The following ARHGEF17 variants were observed in gnomAD, a reference collection of about 807,000 sequenced individuals.
ARHGEF17 encodes 164 kDa Rho-specific guanine-nucleotide exchange factor.
ARHGEF17 carries 80 observed loss-of-function variants against 174.0 expected under a neutral mutation model. That is an observed-to-expected ratio of 0.46 (90% CI 0.38 to 0.55). The LOEUF is 0.55. Ranked by LOEUF, ARHGEF17 falls within the 20% of genes least tolerant of loss-of-function variation. ARHGEF17 has a pLI of 0.00. For synonymous variants in ARHGEF17, 1,311 were observed against 1,189.1 expected (o/e 1.10, Z -2.11); for missense variants, 2,886 against 2,839.7 (o/e 1.02, Z -0.37).
chr11:73,357,477 G>A lies in ARHGEF17; in HGVS notation c.4087+150G>A. Reference sequence around the variant, plus strand: ...TCATCCAGTGCAAGGGGGCTGGCATGAAGGACCCATTTGGCACCCATGGAG... The same window carrying A: ...TCATCCAGTGCAAGGGGGCTGGCATAAAGGACCCATTTGGCACCCATGGAG... On this transcript the variant is annotated intron_variant, in intron 9 of 20. Coordinates refer to ENST00000263674, the MANE Select transcript of ARHGEF17 (RefSeq NM_014786.4). The A allele has an allele frequency of 5.7e-6, 4 of 702,412 alleles. No homozygotes were observed. In the South Asian group the frequency reaches 7.5e-5, roughly 13 times the overall value. The allele number at this position is 702,412 out of a possible 1,614,324, so 43.5% of individuals were successfully genotyped here.
intron 1 of ARHGEF17, chr11:73,343,088 C>T: frequency 3.1e-6 from 1 of 321,466 alleles, no homozygotes; most frequent in Non-Finnish European, 5.6e-6. Flanking sequence ...CGCTGACCCC[C>T]GCCCCCCGCC....
chr11:73,361,931 C>T (rs1232290859), intron 12 of ARHGEF17, 109 bp from the exon 13 acceptor site: 2 of 1,301,860 alleles, frequency 1.5e-6, no homozygotes, highest in Non-Finnish European at 2.1e-6. Context: ...CACACACACA[C>T]ACCCATGCAG....
In ARHGEF17 at chr11:73,309,317, G is replaced by A. The variant is rs1369861260; in HGVS notation, c.679G>A (p.Ala227Thr). ...TATCTTCTCCCAACCGCAGGCCGGG[G>A]CCCGGGCCTCCTGCTCCTCCTCCTC... ...WHIFSQPQAG[A>T]RASCSSSSIA... Residue 227 changes from alanine (A) to threonine (T), a missense_variant, in exon 1 of 21, where the codon GCC becomes ACC. Physicochemically the swap from Ala to Thr is moderately conservative, Grantham distance 58 (BLOSUM62 0). Transcript: ENST00000263674. 6.9e-6 allele frequency: 11 copies of A among 1,602,724 alleles called. No individual in the cohort carries two copies. The highest frequency in any genetic ancestry group is 1.5e-5 in the African/African-American group (1 of 67,508).
Position 73,310,075 on chromosome 11 carries a change from C to T in ARHGEF17, c.1437C>T (p.Arg479=). 1.2e-6 allele frequency: 2 copies of T among 1,614,188 alleles called. No homozygotes were observed. The highest frequency in any genetic ancestry group is 1.7e-6 in the Non-Finnish European group (2 of 1,180,024). ...SETLTLLSFL[R]SDLSELRVRK... ...CCCTGACGCTTCTCAGTTTCCTGCG[C>T]TCAGACCTTTCAGAGCTGAGGGTCC... Residue 479 remains arginine (R), a synonymous_variant, in exon 1 of 21, where the codon CGC becomes CGT. Coordinates refer to ENST00000263674, the MANE Select transcript of ARHGEF17 (RefSeq NM_014786.4).
chr11:73,311,401 C>G lies in ARHGEF17; in HGVS notation c.2763C>G (p.Gly921=). ...DILSPRLIRR[G]SKKRPARSSH... is the part of the protein sequence containing the mutation. ...TGTCCCCGAGGCTAATCCGCCGAGG[C>G]TCCAAGAAGCGCCCAGCTCGGAGTA... The change falls in exon 1 of 21, where the codon GGC becomes GGG. Residue 921 remains glycine, a synonymous_variant. Transcript: ENST00000263674. 6.2e-7 allele frequency: 1 copy of G among 1,613,348 alleles called. No individual in the cohort carries two copies. The highest frequency in any genetic ancestry group is 8.5e-7 in the Non-Finnish European group (1 of 1,180,052).
At chr11:73,323,852 A>G (rs1316381314) in intron 1 of ARHGEF17, among the ~76,000 whole-genome samples, 1 of 152,154 alleles carries the variant, frequency 6.6e-6, no homozygotes, top group Non-Finnish European at 1.5e-5. Context: ...TGGGCAGTGG[A>G]GGGTCTCTGC....
At chr11:73,345,813 A>T (rs1311114250) in intron 1 of ARHGEF17, among the ~76,000 whole-genome samples, 1 of 152,144 alleles carries the variant, frequency 6.6e-6, no homozygotes, top group Non-Finnish European at 1.5e-5. Flanking sequence ...TGGAGCCTAG[A>T]GGAGTTAGGG....
intron 1 of ARHGEF17, among the ~76,000 whole-genome samples, chr11:73,323,497 G>A (rs549264320): frequency 7.9e-5 from 12 of 152,342 alleles, no homozygotes; most frequent in Middle Eastern, 3.4e-3. Flanking sequence ...CTGTGGCCCC[G>A]CAGCCCTGGA....
intron 1 of ARHGEF17, among the ~76,000 whole-genome samples, chr11:73,339,527 A>T (rs769816559): frequency 2.0e-5 from 3 of 152,140 alleles, no homozygotes; most frequent in Non-Finnish European, 2.9e-5. Context: ...CATTTGGTCC[A>T]GCACCAGCTG....
In ARHGEF17 at chr11:73,311,029, G is replaced by A. The variant is rs1304077149; in HGVS notation, c.2391G>A (p.Gln797=). 1.2e-6 allele frequency: 2 copies of A among 1,614,154 alleles called. No homozygotes were observed. Among genetic ancestry groups the A allele is most frequent in the Non-Finnish European group, 8.5e-7 (1 of 1,180,010 alleles). The stretch of plus-strand genomic sequence containing the variant: ...GCAGTGAAGAGAGCAAGGGATATCA[G>A]GAGGTTATTCAGAGCATAGTTCAGG... ...SVGSEESKGY[Q]EVIQSIVQGP... is the part of the protein sequence containing the mutation. Residue 797 remains glutamine, a synonymous_variant, in exon 1 of 21, where the codon CAG becomes CAA. Coordinates refer to ENST00000263674, the MANE Select transcript of ARHGEF17 (RefSeq NM_014786.4).
At chr11:73,337,115 T>G (rs949610413) in intron 1 of ARHGEF17, among the ~76,000 whole-genome samples, 2 of 152,040 alleles carry the variant, frequency 1.3e-5, no homozygotes, top group Non-Finnish European at 2.9e-5. Flanking sequence ...GTGGGAAGAG[T>G]CAATACCACA....
rs371431002 is a variant in ARHGEF17, at chr11:73,346,969, C to T, written c.3270+9C>T. 8.2e-6 allele frequency: 13 copies of T among 1,588,572 alleles called. No individual in the cohort carries two copies. Among genetic ancestry groups the T allele is most frequent in the South Asian group, 5.7e-5 (5 of 88,240 alleles). The stretch of plus-strand genomic sequence containing the variant: ...TGCGCACCCTGATGCAGGTGGGGCT[C>T]GGGGCCCACTCCCCTGAGAATGGCC... On this transcript the variant is annotated intron_variant, in intron 2 of 20. Coordinates refer to ENST00000263674, the MANE Select transcript of ARHGEF17 (RefSeq NM_014786.4).
chr11:73,320,481 A>G (rs1759491910), intron 1 of ARHGEF17, among the ~76,000 whole-genome samples: 2 of 151,844 alleles, frequency 1.3e-5, no homozygotes, highest in South Asian at 2.1e-4. Context: ...CTAAAAAAAA[A>G]AAAAAATTAG....
chr11:73,310,322 A>T lies in ARHGEF17; in HGVS notation c.1684A>T (p.Ser562Cys). ...CATGGCCCGCCGCCTGCCCCGCACC[A>T]GTGCTCTGAAGTCCAGCTCCTCCGA... Reference protein sequence around the residue: ...KPMARRLPRTSALKSSSSELL... With the variant: ...KPMARRLPRTCALKSSSSELL... The change falls in exon 1 of 21, where the codon AGT becomes TGT. Residue 562 changes from serine (S) to cysteine (C), a missense_variant. Ser to Cys is a moderately radical substitution (Grantham distance 112, BLOSUM62 -1). This residue lies in a region of ARHGEF17 where 1,728 missense variants were observed against 1,461.2 expected (regional missense o/e 1.18). Transcript: ENST00000263674. The T allele has an allele frequency of 1.9e-6, 3 of 1,613,804 alleles. No individual in the cohort carries two copies. The highest frequency in any genetic ancestry group is 2.5e-6 in the Non-Finnish European group (3 of 1,179,988).
intron 16 of ARHGEF17, 69 bp downstream of exon 16, chr11:73,363,902 A>T: frequency 6.7e-7 from 1 of 1,497,310 alleles, no homozygotes. Flanking sequence ...CCTTCTGTTC[A>T]TCTGGTCCCC....
At chr11:73,360,183 A>G (rs1032155429) in intron 10 of ARHGEF17, 137 bp from the exon 11 acceptor site, 2 of 1,020,188 alleles carry the variant, frequency 2.0e-6, no homozygotes, top group African/African-American at 1.6e-5. Flanking sequence ...TCCCCCATAT[A>G]TCAAAGGAAT....
At chr11:73,340,243 G>T (rs1205929328) in intron 1 of ARHGEF17, among the ~76,000 whole-genome samples, 2 of 152,160 alleles carry the variant, frequency 1.3e-5, no homozygotes, top group African/African-American at 2.4e-5. Context: ...CAAGACAATA[G>T]GCTTGGATCT....
At chr11:73,319,370 CCTT>C (rs927381950) in intron 1 of ARHGEF17, among the ~76,000 whole-genome samples, 6 of 152,200 alleles carry the variant, frequency 3.9e-5, no homozygotes, top group African/African-American at 1.4e-4. Flanking sequence ...CCTCCTTCCT[CCTT>C]CTTTAAGAAC....
Position 73,320,964 on chromosome 11 carries a change from C to A in ARHGEF17, c.3192+9134C>A, listed in dbSNP as rs571335329. Among the ~76,000 whole-genome samples the A allele has an allele frequency of 2.0e-3, 300 of 152,304 alleles. 1 individual carries two copies. The highest frequency in any genetic ancestry group is 3.0e-3 in the Non-Finnish European group (207 of 68,018). On this transcript the variant is annotated intron_variant, in intron 1 of 20. Coordinates refer to ENST00000263674, the MANE Select transcript of ARHGEF17 (RefSeq NM_014786.4). The stretch of plus-strand genomic sequence containing the variant: ...GACATGAGCCACCGCACCCAGCCTA[C>A]TGCTGAGATTAAGTGAAAGCATGCC...
Sources: allele counts gnomAD v4.1 joint callset (sites outside exome capture counted in the v4.1 genomes callset), GRCh38; gene constraint gnomAD v4.1.1; regional missense constraint gnomAD v4.1.1; transcripts MANE v1.5; gene names NCBI Gene and HGNC (gene_info 2026-07-23, HGNC 2026-07-21).